Variants in NLGN4X observed in about 807,000 individuals in gnomAD.
The protein encoded by NLGN4X is neuroligin 4 X-linked, also known as neuroligin-4, X-linked.
A neutral mutation model predicts 40.3 loss-of-function variants in NLGN4X; 3 were observed. The observed-to-expected ratio is 0.07, with a 90% CI of 0.03 to 0.19. NLGN4X has a LOEUF of 0.19. Ranked by LOEUF, NLGN4X falls within the 10% of genes least tolerant of loss-of-function variation. NLGN4X has a pLI of 1.00. For missense variants in NLGN4X, 382 were observed against 708.3 expected (o/e 0.54, Z 5.23); for synonymous variants, 270 against 306.8 (o/e 0.88, Z 1.25).
At chrX:5,908,983 G>A in intron 4 of NLGN4X, 71 bp downstream of exon 4, 1 of 1,126,306 alleles carries the variant, frequency 8.9e-7, no homozygotes, top group Admixed American at 2.4e-5. Context: ...ATGCATCTGA[G>A]ATATGAACTC....
chrX:5,956,100 AAAC>A (rs1421691456), intron 3 of NLGN4X, among the ~76,000 whole-genome samples: 1 of 109,130 alleles, frequency 9.2e-6, no homozygotes. Flanking sequence ...AAACTGTAGA[AAAC>A]AATATGACTA....
At chrX:5,918,492 G>T (rs2032899313) in intron 3 of NLGN4X, among the ~76,000 whole-genome samples, 1 of 111,981 alleles carries the variant, frequency 8.9e-6, no homozygotes, top group Admixed American at 9.5e-5. Flanking sequence ...GGAATGCTTA[G>T]TTTCAGGAAT....
intron 2 of NLGN4X, among the ~76,000 whole-genome samples, chrX:6,136,612 C>G (rs2039823873): frequency 8.9e-6 from 1 of 111,828 alleles, no homozygotes; most frequent in South Asian, 3.8e-4. Context: ...GCATGGAAAC[C>G]AAGAATGCAA....
rs754805092 is a variant in NLGN4X at position 6,118,482 on chromosome X, A to G, written c.472+32513T>C. On this transcript the variant is annotated intron_variant, in intron 2 of 5. Transcript: ENST00000381095. ...GCGGCCAAAGGAATTGGGGTTGGCC[A>G]TAAGTTGTCTCTTTCTCATTCATTC... Among the ~76,000 whole-genome samples the G allele has an allele frequency of 4.5e-5, 5 of 111,663 alleles. No homozygotes were observed. The East Asian group carries it at 1.4e-3, about 31-fold the overall frequency.
intron 2 of NLGN4X, among the ~76,000 whole-genome samples, chrX:6,062,831 C>A (rs1376802744): frequency 9.0e-6 from 1 of 111,175 alleles, no homozygotes; most frequent in African/African-American, 3.3e-5. Context: ...GCCTCCCCAA[C>A]CATGTGGAAC....
rs1183044483 is a variant in NLGN4X, at chrX:6,011,334, T to A, written c.625+17946A>T. 6.6e-5 allele frequency among the ~76,000 whole-genome samples: 7 copies of A among 105,380 alleles called. No individual in the cohort carries two copies. The East Asian group carries it at 2.1e-3, about 32-fold the overall frequency. 91.5% of individuals were successfully genotyped at this position (105,380 alleles called of 115,157 possible). On this transcript the variant is annotated intron_variant, in intron 3 of 5. Coordinates refer to ENST00000381095, the MANE Select transcript of NLGN4X (RefSeq NM_181332.3). Reference sequence around the variant, plus strand: ...GCGTATTTCCATTCAAATGAATGAATCTCTACCAATACCCAACATCTCAAA... The same window carrying A: ...GCGTATTTCCATTCAAATGAATGAAACTCTACCAATACCCAACATCTCAAA...
At chrX:5,907,188 ACT>A (rs1387834137) in intron 4 of NLGN4X, among the ~76,000 whole-genome samples, 5 of 112,070 alleles carry the variant, frequency 4.5e-5, no homozygotes, top group Non-Finnish European at 9.4e-5. Context: ...TGTCTTGATG[ACT>A]GAGACGGCTA....
intron 1 of NLGN4X, among the ~76,000 whole-genome samples, chrX:6,178,087 A>C (rs1040673026): frequency 9.2e-6 from 1 of 108,253 alleles, no homozygotes; most frequent in African/African-American, 3.3e-5. Context: ...TAAGCTACAC[A>C]GTCTATGGTA....
intron 2 of NLGN4X, among the ~76,000 whole-genome samples, chrX:6,070,114 T>G (rs1051437808): frequency 9.0e-6 from 1 of 111,154 alleles, no homozygotes; most frequent in African/African-American, 3.3e-5. Context: ...TGATACACAA[T>G]TCATAAATCT....
chrX:6,151,157 T>A lies in NLGN4X; in HGVS notation c.310A>T (p.Thr104Ser). The change falls in exon 2 of 6, where the codon ACT (threonine) becomes TCT (serine). Residue 104 changes from threonine (T) to serine (S), a missense_variant. Coordinates refer to ENST00000381095, the MANE Select transcript of NLGN4X (RefSeq NM_181332.3). ...TGGGGGCACACAGCAGCAAACTGAG[T>A]AGTATTTCGGATGCCAGTCCAGGAG... ...PSSWTGIRNTTQFAAVCPQHL... is the reference protein window; with the variant it reads ...PSSWTGIRNTSQFAAVCPQHL... The A allele has an allele frequency of 1.7e-6, 2 of 1,210,943 alleles. No homozygotes were observed. Among genetic ancestry groups the A allele is most frequent in the Non-Finnish European group, 2.2e-6 (2 of 895,256 alleles).
chrX:5,975,885 T>A (rs985793898), intron 3 of NLGN4X, among the ~76,000 whole-genome samples: 8 of 111,559 alleles, frequency 7.2e-5, no homozygotes, highest in Non-Finnish European at 1.9e-5. Flanking sequence ...TTTTAAATAT[T>A]AAGATGAGAC....
chrX:6,027,811 GTATTAT>G (rs1183498834), intron 3 of NLGN4X, among the ~76,000 whole-genome samples: 1 of 94,006 alleles, frequency 1.1e-5, no homozygotes, highest in Non-Finnish European at 2.2e-5. Flanking sequence ...TTTATTACTA[GTATTAT>G]TATTATTTTT....
intron 2 of NLGN4X, among the ~76,000 whole-genome samples, chrX:6,092,442 G>A (rs1037174741): frequency 8.9e-6 from 1 of 111,956 alleles, no homozygotes; most frequent in Admixed American, 9.5e-5. Flanking sequence ...ACCCTTGAAA[G>A]GGCTCAAGTC....
Position 5,907,899 on chromosome X carries a change from A to C in NLGN4X, c.811+1155T>G, listed in dbSNP as rs905594089. ...AAAGGGAGGGAGAGAGAGAGAAAGA[A>C]ACAAAGAGAGAGAGGGACAGAGGGA... On this transcript the variant is annotated intron_variant, in intron 4 of 5. Transcript: ENST00000381095. Among the ~76,000 whole-genome samples, 5 of 105,470 alleles carry C rather than the reference A, an allele frequency of 4.7e-5. No homozygotes were observed. The Admixed American group carries it at 5.1e-4, about 11-fold the overall frequency. The allele number at this position is 105,470 out of a possible 115,157, so 91.6% of individuals were successfully genotyped here.
intron 3 of NLGN4X, among the ~76,000 whole-genome samples, chrX:5,950,755 A>G (rs1601939243): frequency 8.9e-6 from 1 of 112,119 alleles, no homozygotes; most frequent in East Asian, 2.8e-4. Context: ...CTAGTGTTCA[A>G]TCACTGTGAC....
At chrX:6,084,563 C>T (rs2038449984) in intron 2 of NLGN4X, among the ~76,000 whole-genome samples, 2 of 111,149 alleles carry the variant, frequency 1.8e-5, no homozygotes, top group Admixed American at 1.9e-4. Flanking sequence ...AAATTGATGC[C>T]CTTTGACCCC....
At chrX:6,026,970 A>G (rs2036712992) in intron 3 of NLGN4X, among the ~76,000 whole-genome samples, 1 of 111,832 alleles carries the variant, frequency 8.9e-6, no homozygotes, top group Admixed American at 9.5e-5. Flanking sequence ...TTTAGGGGGA[A>G]AAGGAGATCA....
At chrX:6,207,233 A>T (rs774393521) in intron 1 of NLGN4X, among the ~76,000 whole-genome samples, 19 of 112,548 alleles carry the variant, frequency 1.7e-4, no homozygotes, top group African/African-American at 6.1e-4. Context: ...TTCTCTCTGC[A>T]CATATTCAAA....
intron 1 of NLGN4X, among the ~76,000 whole-genome samples, chrX:6,194,687 T>C (rs909800497): frequency 8.9e-6 from 1 of 112,522 alleles, no homozygotes; most frequent in African/African-American, 3.2e-5. Context: ...CATTTTGTTA[T>C]TAATAGGCAT....
Sources: allele counts gnomAD v4.1 joint callset (sites outside exome capture counted in the v4.1 genomes callset), GRCh38; gene constraint gnomAD v4.1.1; transcripts MANE v1.5; gene names NCBI Gene and HGNC (gene_info 2026-07-23, HGNC 2026-07-21).